The following SMURF2 variants were observed in gnomAD, a reference collection of about 807,000 sequenced individuals.
SMURF2 encodes SMAD specific E3 ubiquitin protein ligase 2, also known as E3 ubiquitin-protein ligase SMURF2.
In SMURF2, 48 loss-of-function variants were observed where a neutral mutation model predicts 109.6. The ratio of observed to expected loss-of-function variants is 0.44; its 90% CI spans 0.35 to 0.56. The LOEUF (loss-of-function observed/expected upper bound fraction) is 0.56, where lower values mean the gene tolerates loss of function less well. Ranked by LOEUF, SMURF2 falls within the 20% of genes least tolerant of loss-of-function variation. SMURF2 has a pLI of 0.01. For synonymous variants in SMURF2, 288 were observed against 317.1 expected, an observed-to-expected ratio of 0.91 and a Z score of 0.97; for missense variants, 575 against 909.0, an observed-to-expected ratio of 0.63 and a Z score of 4.72.
chr17:64,642,340 A>C (rs1295401713), intron 1 of SMURF2, among the ~76,000 whole-genome samples: 1 of 152,204 alleles, frequency 6.6e-6, no homozygotes, highest in Non-Finnish European at 1.5e-5. Context: ...ATCTCTACAG[A>C]TTCTTTACCT....
At chr17:64,557,839 G>T in intron 12 of SMURF2, 117 bp from the exon 13 acceptor site, 1 of 583,924 alleles carries the variant, frequency 1.7e-6, no homozygotes, top group Non-Finnish European at 3.0e-6. Flanking sequence ...AGGCAAAAAA[G>T]CACTAACTAC....
intron 9 of SMURF2, among the ~76,000 whole-genome samples, chr17:64,574,931 T>TA (rs1177362004): frequency 4.6e-5 from 7 of 151,808 alleles, no homozygotes; most frequent in African/African-American, 7.3e-5. Context: ...ATCATTTAGT[T>TA]AAAAAAAATG....
At chr17:64,661,044 A>G (rs565201113) in intron 1 of SMURF2, among the ~76,000 whole-genome samples, 9 of 152,258 alleles carry the variant, frequency 5.9e-5, no homozygotes, top group South Asian at 2.1e-4. Context: ...AGTTTGCTCG[A>G]AAGTTTGTAT....
chr17:64,634,913 T>C (rs1451016575), intron 1 of SMURF2, among the ~76,000 whole-genome samples: 1 of 152,120 alleles, frequency 6.6e-6, no homozygotes, highest in African/African-American at 2.4e-5. Context: ...ATATTCAATT[T>C]AGAATGAGAA....
chr17:64,630,797 T>G (rs1036439594), intron 1 of SMURF2, among the ~76,000 whole-genome samples: 6 of 152,326 alleles, frequency 3.9e-5, no homozygotes, highest in South Asian at 4.1e-4. Context: ...GGCTGTCCTT[T>G]ATATCATTGC....
intron 1 of SMURF2, among the ~76,000 whole-genome samples, chr17:64,620,042 C>A (rs927308947): frequency 1.3e-5 from 2 of 152,146 alleles, no homozygotes; most frequent in Non-Finnish European, 2.9e-5. Context: ...CCCTAGTGAA[C>A]CTGCTCTTCT....
chr17:64,640,004 T>A (rs539766140), intron 1 of SMURF2, among the ~76,000 whole-genome samples: 2 of 152,292 alleles, frequency 1.3e-5, no homozygotes, highest in African/African-American at 4.8e-5. Context: ...TAATGTAAGA[T>A]TAGTTTAGTT....
chr17:64,591,020 A>C, intron 5 of SMURF2, 64 bp downstream of exon 5: 2 of 1,173,496 alleles, frequency 1.7e-6, no homozygotes, highest in Non-Finnish European at 2.5e-6. Context: ...TTGATTTAAA[A>C]GGTATTTTAC....
At chr17:64,561,317 A>G (rs1969214256) in intron 12 of SMURF2, among the ~76,000 whole-genome samples, 183 bp downstream of exon 12, 1 of 152,232 alleles carries the variant, frequency 6.6e-6, no homozygotes, top group Non-Finnish European at 1.5e-5. Context: ...GTTCCAGAAT[A>G]CTTGTCCGGT....
intron 1 of SMURF2, among the ~76,000 whole-genome samples, chr17:64,627,033 G>A (rs964349390): frequency 2.0e-5 from 3 of 150,578 alleles, no homozygotes; most frequent in Non-Finnish European, 4.4e-5. Context: ...GTGAGGACAA[G>A]CTGATCCTGC....
At chr17:64,582,752 C>T (rs1555686684) in intron 7 of SMURF2, among the ~76,000 whole-genome samples, 1 of 152,138 alleles carries the variant, frequency 6.6e-6, no homozygotes, top group African/African-American at 2.4e-5. Flanking sequence ...GCACCCACCA[C>T]CACGTCCAGC....
intron 16 of SMURF2, among the ~76,000 whole-genome samples, chr17:64,549,390 C>A (rs1969007520): frequency 6.7e-6 from 1 of 149,626 alleles, no homozygotes; most frequent in African/African-American, 2.5e-5. Context: ...TAACAGTGAG[C>A]TAGGATCATG....
chr17:64,662,158 C>G lies in SMURF2; in HGVS notation c.-278G>C. The G allele has an allele frequency of 1.9e-6, 2 of 1,034,944 alleles. No individual in the cohort carries two copies. The highest frequency in any genetic ancestry group is 1.2e-6 in the Non-Finnish European group (1 of 863,130). 64.1% of individuals were successfully genotyped at this position (1,034,944 alleles called of 1,614,324 possible). A position where few individuals can be genotyped will look rare whatever the true frequency, so the allele number is the denominator to read the frequency against. ...GCCGCCTCCGCCCGCGCCCCCGCCGCCTCCTCGCGGCCGCCGAGGCCTTTC... is the reference window on the plus strand; with the variant it reads ...GCCGCCTCCGCCCGCGCCCCCGCCGGCTCCTCGCGGCCGCCGAGGCCTTTC... On this transcript the variant is annotated 5_prime_UTR_variant, in exon 1 of 19. Transcript: ENST00000262435.
chr17:64,566,561 GTTTTTTTTTTTTTTT>G lies in SMURF2; in HGVS notation c.1017-3610_1017-3596del, dbSNP rs1164717270. Among the ~76,000 whole-genome samples, 41 of 43,802 alleles carry G rather than the reference GTTTTTTTTTTTTTTT, an allele frequency of 9.4e-4. 1 individual carries two copies. The highest frequency in any genetic ancestry group is 5.1e-3 in the South Asian group (3 of 594). 28.7% of individuals were successfully genotyped at this position (43,802 alleles called of 152,430 possible). A position where few individuals can be genotyped will look rare whatever the true frequency, so the allele number is the denominator to read the frequency against. ...GATGTAGAAATGCTTAAGCTTTCTG[GTTTTTTTTTTTTTTT>G]TTTTTTTTTTTTTTTGAGACAGTCT... On this transcript the variant is annotated intron_variant, in intron 10 of 18. Coordinates refer to ENST00000262435, the MANE Select transcript of SMURF2 (RefSeq NM_022739.4).
chr17:64,568,485 C>G (rs1413487125), intron 10 of SMURF2, among the ~76,000 whole-genome samples: 1 of 152,064 alleles, frequency 6.6e-6, no homozygotes, highest in Non-Finnish European at 1.5e-5. Context: ...CTCTTGATTA[C>G]CATTGTACAT....
At chr17:64,629,636 G>A (rs1266416188) in intron 1 of SMURF2, among the ~76,000 whole-genome samples, 1 of 152,128 alleles carries the variant, frequency 6.6e-6, no homozygotes, top group Non-Finnish European at 1.5e-5. Context: ...AAACTTTTAG[G>A]CAATATTTTT....
At position 64,662,158 on chromosome 17, in the gene SMURF2, C is replaced by T. The variant is rs910342843; in HGVS notation, c.-278G>A. On this transcript the variant is annotated 5_prime_UTR_variant, in exon 1 of 19. Transcript: ENST00000262435. ...GCCGCCTCCGCCCGCGCCCCCGCCG[C>T]CTCCTCGCGGCCGCCGAGGCCTTTC... The T allele has an allele frequency of 2.9e-6, 3 of 1,034,944 alleles. No homozygotes were observed. The highest frequency in any genetic ancestry group is 2.3e-6 in the Non-Finnish European group (2 of 863,130). 64.1% of individuals were successfully genotyped at this position (1,034,944 alleles called of 1,614,324 possible).
intron 7 of SMURF2, among the ~76,000 whole-genome samples, chr17:64,582,299 TA>T (rs1555686636): frequency 1.3e-5 from 2 of 152,194 alleles, no homozygotes; most frequent in African/African-American, 4.8e-5. Flanking sequence ...AAGAATTTGG[TA>T]TTTTATGCCT....
Position 64,545,745 on chromosome 17 carries a change from G to A in SMURF2, c.*103C>T, listed in dbSNP as rs1270539453. 3 of 363,818 alleles carry A rather than the reference G, an allele frequency of 8.2e-6. No homozygotes were observed. Among genetic ancestry groups the A allele is most frequent in the Non-Finnish European group, 1.5e-5 (3 of 205,232 alleles). 22.5% of individuals were successfully genotyped at this position (363,818 alleles called of 1,614,324 possible). The stretch of plus-strand genomic sequence containing the variant: ...AAAAAAAAAAAAAAGGGGGGGGGGG[G>A]GAGTGTTTTCCTGTATTTCAGCATA... On this transcript the variant is annotated 3_prime_UTR_variant, in exon 19 of 19. Coordinates refer to ENST00000262435, the MANE Select transcript of SMURF2 (RefSeq NM_022739.4).
Sources: gnomAD v4.1 joint callset for allele counts (sites outside exome capture counted in the v4.1 genomes callset) on GRCh38, gnomAD v4.1.1 for gene constraint, MANE v1.5 for transcripts, NCBI Gene and HGNC (gene_info 2026-07-23, HGNC 2026-07-21) for gene names.